CD80: variants seen among roughly 807,000 people sequenced by gnomAD.
CD80 encodes CD80 molecule.
Under a neutral mutation model 27.1 loss-of-function variants are expected in CD80, and 13 were observed. The ratio of observed to expected loss-of-function variants is 0.48; its 90% CI spans 0.31 to 0.76. The LOEUF is 0.76. CD80 is among the 30% of genes least tolerant of loss of function. CD80 has a pLI of 0.04. For missense variants in CD80, 277 were observed against 347.9 expected, an observed-to-expected ratio of 0.80 and a Z score of 1.62; for synonymous variants, 125 against 125.5, an observed-to-expected ratio of 1.00 and a Z score of 0.03.
In CD80 at chr3:119,527,855, A is replaced by G. The variant is rs1028175071; in HGVS notation, c.797-14T>C. ...TTGGGGCAAAGCCTTGGAGACAAGA[A>G]CAAACAATAAAAATGATAAGTAAGT... is the stretch of plus-strand genomic sequence containing the variant. On this transcript the variant is annotated splice_polypyrimidine_tract_variant and intron_variant, in intron 5 of 6. Coordinates refer to ENST00000264246, the MANE Select transcript of CD80 (RefSeq NM_005191.4). 1 of 1,607,774 alleles carries G rather than the reference A, an allele frequency of 6.2e-7. No homozygotes were observed. Among genetic ancestry groups the G allele is most frequent in the Admixed American group, 1.7e-5 (1 of 59,998 alleles).
chr3:119,557,358 G>C (rs2082270410), intron 2 of CD80, among the ~76,000 whole-genome samples: 1 of 152,206 alleles, frequency 6.6e-6, no homozygotes, highest in Non-Finnish European at 1.5e-5. Context: ...TGAATCGGCT[G>C]TATGGTTTTG....
At chr3:119,528,096 G>A (rs1168127439) in intron 5 of CD80, among the ~76,000 whole-genome samples, 1 of 152,120 alleles carries the variant, frequency 6.6e-6, no homozygotes, top group Non-Finnish European at 1.5e-5. Context: ...TAAGGAAGCT[G>A]CTAAACATCC....
chr3:119,556,202 A>G (rs1240371066), intron 2 of CD80, among the ~76,000 whole-genome samples: 1 of 152,236 alleles, frequency 6.6e-6, no homozygotes, highest in Non-Finnish European at 1.5e-5. Flanking sequence ...TAGCTAGAGA[A>G]CAAGGTGCTT....
At position 119,558,454 on chromosome 3, in the gene CD80, G is replaced by A. The variant is rs140112986; in HGVS notation, c.-200-526C>T. 9.2e-5 allele frequency among the ~76,000 whole-genome samples: 14 copies of A among 152,232 alleles called. No individual in the cohort carries two copies. The East Asian group carries it at 1.9e-3, about 21-fold the overall frequency. The stretch of plus-strand genomic sequence containing the variant: ...GGAGGGAAAAAAAGACACTGCAGAC[G>A]TTACTTATCAAAATTATGTACTCCA... On this transcript the variant is annotated intron_variant, in intron 1 of 6. Transcript: ENST00000264246.
chr3:119,542,523 C>G (rs2082175675), intron 3 of CD80, among the ~76,000 whole-genome samples: 1 of 152,122 alleles, frequency 6.6e-6, no homozygotes, highest in African/African-American at 2.4e-5. Context: ...GAAAATGGCT[C>G]AGGGATATAA....
chr3:119,526,787 A>G (rs1273302743), intron 6 of CD80, among the ~76,000 whole-genome samples: 3 of 152,134 alleles, frequency 2.0e-5, no homozygotes, highest in Admixed American at 6.6e-5. Flanking sequence ...GCCCAGGACA[A>G]TTCTTGCTTT....
At chr3:119,546,997 C>A (rs2082205935) in intron 2 of CD80, among the ~76,000 whole-genome samples, 1 of 152,128 alleles carries the variant, frequency 6.6e-6, no homozygotes, top group African/African-American at 2.4e-5. Flanking sequence ...TCATCTGTCA[C>A]CTTAATACAC....
At position 119,546,793 on chromosome 3, in the gene CD80, C is replaced by T. The variant is rs576854584; in HGVS notation, c.101-1926G>A. On this transcript the variant is annotated intron_variant, in intron 2 of 6. Coordinates refer to ENST00000264246, the MANE Select transcript of CD80 (RefSeq NM_005191.4). ...CTTGCGTTTCTCCTACAGCCCCTCTCCCCACAATCACGTGATGCAACAACA... is the reference window on the plus strand; with the variant it reads ...CTTGCGTTTCTCCTACAGCCCCTCTTCCCACAATCACGTGATGCAACAACA... Among the ~76,000 whole-genome samples, 9 of 149,684 alleles carry T rather than the reference C, an allele frequency of 6.0e-5. No homozygotes were observed. The South Asian group carries it at 1.9e-3, about 32-fold the overall frequency.
At chr3:119,558,831 A>G (rs926306801) in intron 1 of CD80, among the ~76,000 whole-genome samples, 5 of 152,068 alleles carry the variant, frequency 3.3e-5, no homozygotes, top group African/African-American at 1.2e-4. Context: ...TTTTCCAGTA[A>G]ATATGTCAAA....
At chr3:119,537,069 A>T in intron 4 of CD80, 68 bp downstream of exon 4, 1 of 1,356,096 alleles carries the variant, frequency 7.4e-7, no homozygotes, top group Non-Finnish European at 1.0e-6. Context: ...CCACATCATT[A>T]AATGACACGA....
At chr3:119,540,910 T>C (rs2082164171) in intron 3 of CD80, among the ~76,000 whole-genome samples, 1 of 152,036 alleles carries the variant, frequency 6.6e-6, no homozygotes, top group South Asian at 2.1e-4. Flanking sequence ...TAGCCAGGCA[T>C]GATGGCACAT....
chr3:119,545,736 AC>A (rs2082199159), intron 2 of CD80, among the ~76,000 whole-genome samples: 2 of 147,208 alleles, frequency 1.4e-5, no homozygotes, highest in Admixed American at 6.7e-5. Context: ...TATTACACAC[AC>A]ACCCCCCCCC....
At chr3:119,534,927 C>T (rs1453914392) in intron 4 of CD80, among the ~76,000 whole-genome samples, 1 of 152,182 alleles carries the variant, frequency 6.6e-6, no homozygotes, top group Non-Finnish European at 1.5e-5. Flanking sequence ...CATGGTGGCT[C>T]ATGCCTGTAA....
At chr3:119,527,637 G>A (rs1269662039) in intron 6 of CD80, 96 bp downstream of exon 6, 1 of 655,318 alleles carries the variant, frequency 1.5e-6, no homozygotes, top group East Asian at 2.7e-5. Flanking sequence ...TTTTTAAGAA[G>A]GTGAGGTAGT....
chr3:119,553,674 A>G (rs2082246643), intron 2 of CD80, among the ~76,000 whole-genome samples: 1 of 152,202 alleles, frequency 6.6e-6, no homozygotes, highest in South Asian at 2.1e-4. Flanking sequence ...GCTAGTGGAG[A>G]AGGGAGAGAA....
chr3:119,537,766 CA>C (rs1405101718), intron 3 of CD80, among the ~76,000 whole-genome samples: 1 of 152,216 alleles, frequency 6.6e-6, no homozygotes, highest in Non-Finnish European at 1.5e-5. Flanking sequence ...CGTACGACTT[CA>C]CTCCAGCCTG....
intron 6 of CD80, 104 bp downstream of exon 6, chr3:119,527,629 T>A: frequency 1.6e-6 from 1 of 618,514 alleles, no homozygotes; most frequent in Non-Finnish European, 2.8e-6. Flanking sequence ...GAAAGAGGTT[T>A]TTAAGAAGGT....
intron 4 of CD80, among the ~76,000 whole-genome samples, chr3:119,535,075 C>G (rs971338750): frequency 6.6e-6 from 1 of 151,890 alleles, no homozygotes; most frequent in East Asian, 1.9e-4. Context: ...ACCTGTAGTC[C>G]CAGCTACACA....
chr3:119,544,517 C>T (rs570995916), intron 3 of CD80, 33 bp downstream of exon 3: 14 of 1,589,886 alleles, frequency 8.8e-6, no homozygotes, highest in African/African-American at 4.0e-5. Flanking sequence ...AAGAATCTGC[C>T]GGCCTAGAGT....
Sources: allele counts gnomAD v4.1 joint callset (sites outside exome capture counted in the v4.1 genomes callset), GRCh38; gene constraint gnomAD v4.1.1; transcripts MANE v1.5; gene names NCBI Gene and HGNC (gene_info 2026-07-23, HGNC 2026-07-21).